Variants in CD5 observed in about 807,000 individuals in gnomAD.
CD5 encodes the protein CD5 molecule, also known as T-cell surface glycoprotein CD5.
Under a neutral mutation model 60.3 loss-of-function variants are expected in CD5, and 36 were observed. That is an observed-to-expected ratio of 0.60 (90% CI 0.46 to 0.79). CD5 has a LOEUF of 0.79. Ranked by LOEUF, CD5 falls within the 30% of genes least tolerant of loss-of-function variation. The pLI is 0.00. For missense variants in CD5, 540 were observed against 630.6 expected (o/e 0.86, Z 1.54); for synonymous variants, 230 against 257.6 (o/e 0.89, Z 1.03).
chr11:61,107,531 C>A (rs941081672), intron 1 of CD5, among the ~76,000 whole-genome samples: 2 of 152,324 alleles, frequency 1.3e-5, no homozygotes, highest in African/African-American at 4.8e-5. Context: ...CAGCACCCTG[C>A]GTTCAACACA....
At chr11:61,121,202 TCC>T (rs1381124091) in intron 5 of CD5, among the ~76,000 whole-genome samples, 1 of 152,242 alleles carries the variant, frequency 6.6e-6, no homozygotes, top group Non-Finnish European at 1.5e-5. Flanking sequence ...TGAAAAGTCC[TCC>T]TTCTTCCCAA....
upstream of CD5, among the ~76,000 whole-genome samples, chr11:61,099,488 AT>A (rs111448448): frequency 0.057 from 1,389 of 24,364 alleles, 2 homozygotes; most frequent in East Asian, 0.24. Context: ...TCACACACAC[AT>A]CAACATGGAG....
At chr11:61,100,105 C>T (rs1590762788), upstream of CD5, among the ~76,000 whole-genome samples, 1 of 142,112 alleles carries the variant, frequency 7.0e-6, no homozygotes, top group Non-Finnish European at 1.5e-5. Flanking sequence ...ATCACACACA[C>T]ATCAACATGG....
chr11:61,123,782 G>A (rs533243006), intron 7 of CD5, 102 bp from the exon 8 acceptor site: 18 of 901,688 alleles, frequency 2.0e-5, no homozygotes, highest in African/African-American at 9.9e-5. Flanking sequence ...TGCACCTGCC[G>A]CCACCATCTC....
At chr11:61,094,249 G>A in the CD5 span, among the ~76,000 whole-genome samples, 1 of 152,038 alleles carries the variant, frequency 6.6e-6, no homozygotes, top group Non-Finnish European at 1.5e-5. Context: ...AGGCCCCTGT[G>A]GAGGATCAAC....
In CD5 at chr11:61,118,429, T is replaced by C; in HGVS notation, c.349T>C (p.Cys117Arg). The C allele has an allele frequency of 6.2e-7, 1 of 1,614,254 alleles. No homozygotes were observed. Among genetic ancestry groups the C allele is most frequent in the Non-Finnish European group, 8.5e-7 (1 of 1,180,044 alleles). The change falls in exon 3 of 11, where the codon TGC becomes CGC. Residue 117 changes from cysteine to arginine, a missense_variant. Physicochemically the swap from Cys to Arg is radical, Grantham distance 180 (BLOSUM62 -3). Transcript: ENST00000347785. The surrounding 1 kb of genome is among the most constrained non-coding windows in gnomAD (Gnocchi z 4.7). ...CYGQLGSFSN[C>R]SHSRNDMCHS... ...CGGACAACTGGGCTCCTTCTCCAAC[T>C]GCAGCCACAGCAGAAATGACATGTG... is the stretch of plus-strand genomic sequence containing the variant.
At chr11:61,119,144 T>C in intron 4 of CD5, 90 bp from the exon 5 acceptor site, 3 of 1,311,644 alleles carry the variant, frequency 2.3e-6, no homozygotes, top group South Asian at 1.4e-5. Flanking sequence ...TAGTCAGTAG[T>C]TGTCCACAAG....
rs376131097 is a variant in CD5 at position 61,125,054 on chromosome 11, G to A, written c.1302G>A (p.Thr434=). The change falls in exon 9 of 11, where the codon ACG becomes ACA. Residue 434 remains threonine (T), a synonymous_variant. Transcript: ENST00000347785. ...NQNMSFHRNH[T]ATVRSHAENP... ...CAGTGTCTTTCCATCGCAACCACACGGCAACCGTCCGATCCCATGCTGAGA... is the reference window on the plus strand; with the variant it reads ...CAGTGTCTTTCCATCGCAACCACACAGCAACCGTCCGATCCCATGCTGAGA... 81 of 1,614,066 alleles carry A rather than the reference G, an allele frequency of 5.0e-5. 1 individual carries two copies. The Middle Eastern group carries it at 2.3e-3, about 46-fold the overall frequency.
intron 1 of CD5, among the ~76,000 whole-genome samples, chr11:61,105,139 T>G (rs1217175422): frequency 2.0e-5 from 3 of 152,214 alleles, no homozygotes; most frequent in African/African-American, 7.2e-5. Flanking sequence ...TCCTGAGGCA[T>G]GAAGATGCCC....
At chr11:61,102,485 G>A, upstream of CD5, 5 of 1,025,760 alleles carry the variant, frequency 4.9e-6, no homozygotes, top group South Asian at 6.9e-5. Context: ...CCCTCTCTGA[G>A]AGCGAGATAC....
chr11:61,117,542 G>C (rs1430331225), intron 2 of CD5, among the ~76,000 whole-genome samples: 1 of 151,898 alleles, frequency 6.6e-6, no homozygotes, highest in Non-Finnish European at 1.5e-5. Flanking sequence ...AGGCTGGAGT[G>C]CAGTGGCGCG....
chr11:61,118,500 C>T lies in CD5; in HGVS notation c.400+20C>T. 1 of 1,607,590 alleles carries T rather than the reference C, an allele frequency of 6.2e-7. No homozygotes were observed. The highest frequency in any genetic ancestry group is 1.3e-5 in the African/African-American group (1 of 74,962). On this transcript the variant is annotated intron_variant, in intron 3 of 10. Transcript: ENST00000347785. This position sits in a 1 kb window ranked among gnomAD's most constrained non-coding sequence, Gnocchi z 4.7. ...GCTTAGGTGGGTAACTAGCCAGCCA[C>T]ACGGGCACCCTGGGCCTGGGCGCCA...
Position 61,118,626 on chromosome 11 carries a change from C to T in CD5, c.400+146C>T. 1 of 775,326 alleles carries T rather than the reference C, an allele frequency of 1.3e-6. No homozygotes were observed. Among genetic ancestry groups the T allele is most frequent in the Non-Finnish European group, 2.0e-6 (1 of 489,238 alleles). 48.0% of individuals were successfully genotyped at this position (775,326 alleles called of 1,614,324 possible). ...TATAACCACTCCCCAAGACACATAC[C>T]CAGGAGGGGGACTGGAAGGGGCCAG... On this transcript the variant is annotated intron_variant, in intron 3 of 10. Transcript: ENST00000347785. The surrounding 1 kb of genome is among the most constrained non-coding windows in gnomAD (Gnocchi z 4.7).
At chr11:61,107,109 G>C (rs1178462033) in intron 1 of CD5, among the ~76,000 whole-genome samples, 1 of 152,192 alleles carries the variant, frequency 6.6e-6, no homozygotes, top group Non-Finnish European at 1.5e-5. Flanking sequence ...GACAGATAGA[G>C]GAGGGCTGGG....
chr11:61,107,492 G>T (rs976047986), intron 1 of CD5, among the ~76,000 whole-genome samples: 4 of 152,208 alleles, frequency 2.6e-5, no homozygotes, highest in Non-Finnish European at 4.4e-5. Context: ...CATACTGTGT[G>T]CTCTTAACAC....
Position 61,127,713 on chromosome 11 carries a change from G to A in CD5, c.*1428G>A, listed in dbSNP as rs1861172274. On this transcript the variant is annotated 3_prime_UTR_variant, in exon 11 of 11. Coordinates refer to ENST00000347785, the MANE Select transcript of CD5 (RefSeq NM_014207.4). ...TGCTCTTAGGGAGGGCAAAGGTTCGGGGGCAGCCAGTGTCTCCCATCAGTG... is the reference window on the plus strand; with the variant it reads ...TGCTCTTAGGGAGGGCAAAGGTTCGAGGGCAGCCAGTGTCTCCCATCAGTG... 3 of 152,204 alleles carry A rather than the reference G, an allele frequency of 2.0e-5. No individual in the cohort carries two copies. The South Asian group carries it at 6.2e-4, about 32-fold the overall frequency. 9.4% of individuals were successfully genotyped at this position (152,204 alleles called of 1,614,324 possible).
intron 8 of CD5, 63 bp downstream of exon 8, chr11:61,124,000 C>T (rs1861110517): frequency 3.8e-6 from 5 of 1,312,390 alleles, no homozygotes; most frequent in Middle Eastern, 1.8e-4. Context: ...GAGGCAGAGT[C>T]GAGGCTCTCT....
At chr11:61,099,015 T>C (rs1860620300), upstream of CD5, among the ~76,000 whole-genome samples, 1 of 152,160 alleles carries the variant, frequency 6.6e-6, no homozygotes, top group Non-Finnish European at 1.5e-5. Flanking sequence ...CTTTCTCATC[T>C]GGGAGCACAA....
the CD5 span, among the ~76,000 whole-genome samples, chr11:61,096,189 T>C: frequency 6.6e-6 from 1 of 152,204 alleles, no homozygotes; most frequent in Non-Finnish European, 1.5e-5. Flanking sequence ...ATGCTTGCAA[T>C]GTAACCAATG....
Sources: allele counts gnomAD v4.1 joint callset (sites outside exome capture counted in the v4.1 genomes callset), GRCh38; gene constraint gnomAD v4.1.1; non-coding constraint Gnocchi (gnomAD v3.1); transcripts MANE v1.5; gene names NCBI Gene and HGNC (gene_info 2026-07-23, HGNC 2026-07-21).